The following UGGT1 variants were observed in gnomAD, a reference collection of about 807,000 sequenced individuals.
UGGT1 encodes the protein UDP-glucose glycoprotein glucosyltransferase 1, also known as UDP-glucose:glycoprotein glucosyltransferase 1.
Under a neutral mutation model 203.9 loss-of-function variants are expected in UGGT1, and 107 were observed. The observed-to-expected ratio is 0.52, with a 90% confidence interval of 0.45 to 0.62. The LOEUF (loss-of-function observed/expected upper bound fraction) is 0.62, where lower values mean the gene tolerates loss of function less well. Ranked by LOEUF, UGGT1 falls within the 20% of genes least tolerant of loss-of-function variation. UGGT1 has a pLI of 0.00. For missense variants in UGGT1, 1,673 were observed against 1,867.2 expected (o/e 0.90, Z 1.92); for synonymous variants, 628 against 653.5 (o/e 0.96, Z 0.59).
chr2:128,126,585 T>A (rs1485539469), intron 11 of UGGT1, among the ~76,000 whole-genome samples: 1 of 151,760 alleles, frequency 6.6e-6, no homozygotes, highest in Non-Finnish European at 1.5e-5. Context: ...ACACAAATTC[T>A]CAGTCATTCG....
At chr2:128,166,103 T>C (rs889460541) in intron 26 of UGGT1, among the ~76,000 whole-genome samples, 1 of 152,332 alleles carries the variant, frequency 6.6e-6, no homozygotes, top group African/African-American at 2.4e-5. Context: ...ACTTTTTTGT[T>C]TTGAAAAGTT....
chr2:128,185,426 T>C (rs2104834361), intron 38 of UGGT1, among the ~76,000 whole-genome samples: 1 of 150,028 alleles, frequency 6.7e-6, no homozygotes, highest in East Asian at 2.0e-4. Context: ...CACCTTGGCC[T>C]CCCAAAGTGC....
At chr2:128,101,906 T>G (rs755691804) in intron 2 of UGGT1, among the ~76,000 whole-genome samples, 2 of 152,200 alleles carry the variant, frequency 1.3e-5, no homozygotes, top group Non-Finnish European at 2.9e-5. Flanking sequence ...CTTGTGGGCA[T>G]TCATTCTGGT....
intron 12 of UGGT1, 72 bp downstream of exon 12, chr2:128,127,524 C>T (rs1261541753): frequency 1.4e-5 from 16 of 1,180,870 alleles, no homozygotes; most frequent in South Asian, 2.6e-5. Flanking sequence ...TTCATATTGC[C>T]GTTCCTTCTT....
intron 18 of UGGT1, among the ~76,000 whole-genome samples, chr2:128,149,531 C>T (rs571751016): frequency 1.7e-3 from 260 of 150,766 alleles, no homozygotes; most frequent in Non-Finnish European, 3.0e-3. Flanking sequence ...CTTGGGAAAC[C>T]GAGGTGGGCG....
At chr2:128,104,115 C>T in intron 3 of UGGT1, 101 bp downstream of exon 3, 1 of 844,664 alleles carries the variant, frequency 1.2e-6, no homozygotes, top group Non-Finnish European at 1.8e-6. Context: ...TAATGGAAAA[C>T]ATTGTTGTCT....
chr2:128,120,362 G>T lies in UGGT1; in HGVS notation c.879G>T (p.Leu293=), dbSNP rs1182881060. The T allele has an allele frequency of 6.2e-7, 1 of 1,612,798 alleles. No homozygotes were observed. The highest frequency in any genetic ancestry group is 1.7e-5 in the Admixed American group (1 of 59,676). Residue 293 remains leucine (L), a synonymous_variant, in exon 9 of 41, where the codon CTG becomes CTT. Coordinates refer to ENST00000259253, the MANE Select transcript of UGGT1 (RefSeq NM_020120.4). ...QGFLFGKLRD[L]HPDLEGQLKE... is the part of the protein sequence containing the mutation. The stretch of plus-strand genomic sequence containing the variant: ...ATTTTTATGTTTCTTTTAGAGATCT[G>T]CACCCCGACCTGGAGGGACAGTTGA...
In UGGT1 at chr2:128,143,340, C is replaced by T; in HGVS notation, c.1851+115C>T. ...GTGGTTAAAGTGTTTCAGTACTTAG[C>T]ATTTAAAAGTTTAGAAACCAGATCA... On this transcript the variant is annotated intron_variant, in intron 17 of 40. Coordinates refer to ENST00000259253, the MANE Select transcript of UGGT1 (RefSeq NM_020120.4). 2 of 1,190,136 alleles carry T rather than the reference C, an allele frequency of 1.7e-6. 1 individual carries two copies. The highest frequency in any genetic ancestry group is 4.9e-5 in the South Asian group (2 of 40,922). The allele number at this position is 1,190,136 out of a possible 1,614,324, so 73.7% of individuals were successfully genotyped here.
At position 128,177,760 on chromosome 2, in the gene UGGT1, G is replaced by A. The variant is rs555554670; in HGVS notation, c.3625-72G>A. The A allele has an allele frequency of 9.8e-6, 12 of 1,230,208 alleles. No individual in the cohort carries two copies. In the African/African-American group the frequency reaches 1.7e-4, roughly 17 times the overall value. 76.2% of individuals were successfully genotyped at this position (1,230,208 alleles called of 1,614,324 possible). A position where few individuals can be genotyped will look rare whatever the true frequency, so the allele number is the denominator to read the frequency against. ...TCCCTATTGATGACAGGCTCACAGTGTATATCCAGTGAGAGGCAGTTTTAT... is the reference window on the plus strand; with the variant it reads ...TCCCTATTGATGACAGGCTCACAGTATATATCCAGTGAGAGGCAGTTTTAT... On this transcript the variant is annotated intron_variant, in intron 32 of 40. Coordinates refer to ENST00000259253, the MANE Select transcript of UGGT1 (RefSeq NM_020120.4).
chr2:128,172,891 C>A, intron 29 of UGGT1, 129 bp downstream of exon 29: 1 of 826,094 alleles, frequency 1.2e-6, no homozygotes, highest in Non-Finnish European at 1.8e-6. Flanking sequence ...GCTTTATTCA[C>A]ATGGAACTCA....
Position 128,138,745 on chromosome 2 carries a change from T to C in UGGT1, c.1612T>C (p.Ser538Pro), listed in dbSNP as rs1287584469. ...RIGFIFVVND[S>P]EDVDGMQDAG... is the part of the protein sequence containing the mutation. ...TGGTTTTATCTTTGTGGTTAATGAC[T>C]CTGAAGATGTTGATGGGATGCAAGA... is the stretch of plus-strand genomic sequence containing the variant. Residue 538 changes from serine to proline, a missense_variant, in exon 16 of 41, where the codon TCT (serine) becomes CCT (proline). Ser to Pro is a moderately conservative substitution (Grantham distance 74). Transcript: ENST00000259253. 6.2e-7 allele frequency: 1 copy of C among 1,614,182 alleles called. No individual in the cohort carries two copies. Among genetic ancestry groups the C allele is most frequent in the Admixed American group, 1.7e-5 (1 of 60,018 alleles).
chr2:128,119,319 C>T (rs569958517), intron 8 of UGGT1, among the ~76,000 whole-genome samples: 15 of 152,010 alleles, frequency 9.9e-5, no homozygotes, highest in Admixed American at 3.3e-4. Flanking sequence ...TAGCCGGGCG[C>T]GGTAGCTCAC....
At chr2:128,102,085 C>T (rs1055024734) in intron 2 of UGGT1, among the ~76,000 whole-genome samples, 2 of 152,190 alleles carry the variant, frequency 1.3e-5, no homozygotes, top group Middle Eastern at 3.2e-3. Context: ...CCCCTTCTCT[C>T]CTCCCGCACT....
At position 128,123,215 on chromosome 2, in the gene UGGT1, A is replaced by G. The variant is rs761171217; in HGVS notation, c.1103A>G (p.Glu368Gly). ...RAITKTAVSS[E>G]LRTEVEENQK... ...ATAACAAAAACAGCTGTGAGCTCAG[A>G]ACTTAGAACCGAAGTGGAAGAGAAT... Residue 368 changes from glutamate to glycine, a missense_variant, in exon 11 of 41, where the codon GAA becomes GGA. Glu to Gly is a moderately conservative substitution (Grantham distance 98, BLOSUM62 -2). This residue lies in a region of UGGT1 where 1,073 missense variants were observed against 1,078.7 expected (regional missense o/e 0.99). Transcript: ENST00000259253. 1 of 1,613,712 alleles carries G rather than the reference A, an allele frequency of 6.2e-7. No individual in the cohort carries two copies. The highest frequency in any genetic ancestry group is 8.5e-7 in the Non-Finnish European group (1 of 1,179,766).
intron 37 of UGGT1, 131 bp downstream of exon 37, chr2:128,182,421 T>G: frequency 8.5e-7 from 1 of 1,180,092 alleles, no homozygotes; most frequent in Non-Finnish European, 1.2e-6. Flanking sequence ...ACACAGTGGC[T>G]GGGTGCAGTG....
chr2:128,186,813 G>A lies in UGGT1; in HGVS notation c.4476+14G>A. Reference sequence around the variant, plus strand: ...ACCATTGATTTGGTAAGCCGTATGTGGTGTGCTTCTGCATGTTCATCCACT... The same window carrying A: ...ACCATTGATTTGGTAAGCCGTATGTAGTGTGCTTCTGCATGTTCATCCACT... On this transcript the variant is annotated intron_variant, in intron 39 of 40. Transcript: ENST00000259253. 1 of 1,589,774 alleles carries A rather than the reference G, an allele frequency of 6.3e-7. No homozygotes were observed. The highest frequency in any genetic ancestry group is 8.6e-7 in the Non-Finnish European group (1 of 1,161,788).
chr2:128,141,449 A>G (rs1007354027), intron 16 of UGGT1, among the ~76,000 whole-genome samples: 5 of 151,944 alleles, frequency 3.3e-5, no homozygotes, highest in Non-Finnish European at 7.4e-5. Context: ...TTAAAAATTA[A>G]AAAAAATTAA....
intron 15 of UGGT1, among the ~76,000 whole-genome samples, chr2:128,135,438 G>GT (rs1034382868): frequency 1.3e-4 from 20 of 151,950 alleles, no homozygotes; most frequent in Middle Eastern, 3.2e-3. Flanking sequence ...TTTAAGAACA[G>GT]TTTTTTTTAT....
At position 128,113,030 on chromosome 2, in the gene UGGT1, T is replaced by C. The variant is rs578003486; in HGVS notation, c.522-54T>C. 20 of 1,408,476 alleles carry C rather than the reference T, an allele frequency of 1.4e-5. No homozygotes were observed. The African/African-American group carries it at 2.8e-4, about 19-fold the overall frequency. The allele number at this position is 1,408,476 out of a possible 1,614,324, so 87.2% of individuals were successfully genotyped here. ...ACTGTACTTTATATTTTGTGACATT[T>C]TTAGTGTTTCACAATTATTTTTAAA... On this transcript the variant is annotated intron_variant, in intron 5 of 40. Transcript: ENST00000259253.
Sources: gnomAD v4.1 joint callset for allele counts (sites outside exome capture counted in the v4.1 genomes callset) on GRCh38, gnomAD v4.1.1 for gene constraint, gnomAD v4.1.1 regional missense constraint, MANE v1.5 for transcripts, NCBI Gene and HGNC (gene_info 2026-07-23, HGNC 2026-07-21) for gene names.